CREB5: variants seen among roughly 807,000 people sequenced by gnomAD.
CREB5 encodes the protein cyclic AMP-responsive element-binding protein 5.
A neutral mutation model predicts 57.1 loss-of-function variants in CREB5; 19 were observed. That is an observed-to-expected ratio of 0.33 (90% CI 0.23 to 0.49). The LOEUF (loss-of-function observed/expected upper bound fraction) is 0.49, where lower values mean the gene tolerates loss of function less well. CREB5 is among the 20% of genes least tolerant of loss of function. CREB5 has a pLI of 0.99. For synonymous variants in CREB5, 238 were observed against 238.3 expected (o/e 1.00, Z 0.01); for missense variants, 579 against 671.6 (o/e 0.86, Z 1.52).
chr7:28,441,986 A>G (rs1435464265), intron 1 of CREB5, among the ~76,000 whole-genome samples: 1 of 152,116 alleles, frequency 6.6e-6, no homozygotes, highest in Non-Finnish European at 1.5e-5. Context: ...TTGAAAATGT[A>G]CAATAAATTA....
intron 1 of CREB5, among the ~76,000 whole-genome samples, chr7:28,464,890 CA>C (rs1790501015): frequency 2.0e-5 from 3 of 152,118 alleles, no homozygotes; most frequent in African/African-American, 7.2e-5. Flanking sequence ...GTTAGTGTCA[CA>C]ACAACCCTTT....
intron 5 of CREB5, among the ~76,000 whole-genome samples, chr7:28,643,751 T>C (rs375660917): frequency 1.5e-5 from 2 of 133,530 alleles, no homozygotes; most frequent in Admixed American, 1.5e-4. Flanking sequence ...GTTTGGGAGG[T>C]GGGGGGGGGC....
chr7:28,588,312 G>A (rs1334381373), intron 5 of CREB5, among the ~76,000 whole-genome samples: 3 of 152,174 alleles, frequency 2.0e-5, no homozygotes, highest in African/African-American at 7.2e-5. Flanking sequence ...TACTACATCA[G>A]ATCCCATGTA....
chr7:28,555,428 A>G (rs533468575), intron 4 of CREB5, among the ~76,000 whole-genome samples: 1 of 152,382 alleles, frequency 6.6e-6, no homozygotes, highest in African/African-American at 2.4e-5. Context: ...ATCAATGATT[A>G]TAAACCTTTA....
intron 5 of CREB5, among the ~76,000 whole-genome samples, chr7:28,644,546 T>C (rs1191456366): frequency 6.7e-6 from 1 of 149,256 alleles, no homozygotes; most frequent in Non-Finnish European, 1.5e-5. Context: ...ACAAAGAACA[T>C]TATCTGTGAA....
At chr7:28,445,959 C>A (rs1010559666) in intron 1 of CREB5, among the ~76,000 whole-genome samples, 1 of 152,226 alleles carries the variant, frequency 6.6e-6, no homozygotes, top group Non-Finnish European at 1.5e-5. Flanking sequence ...CAAAACCAAA[C>A]AAACCCAACA....
At chr7:28,459,251 C>T (rs177583) in intron 1 of CREB5, among the ~76,000 whole-genome samples, 68,824 of 152,008 alleles carry the variant, frequency 0.45, 15,902 homozygotes, top group South Asian at 0.54. Context: ...GCACACCCCA[C>T]CTGTCTCAGC....
chr7:28,777,528 T>G (rs1424678895), intron 7 of CREB5, among the ~76,000 whole-genome samples: 1 of 152,132 alleles, frequency 6.6e-6, no homozygotes, highest in Non-Finnish European at 1.5e-5. Context: ...CTACATTCCA[T>G]CAACAAGGTA....
At chr7:28,311,110 C>G (rs146405827) in intron 1 of CREB5, among the ~76,000 whole-genome samples, 6 of 113,802 alleles carry the variant, frequency 5.3e-5, no homozygotes, top group African/African-American at 1.6e-4. Context: ...CTGGCTAGCA[C>G]GGTGAAACCC....
chr7:28,768,524 C>T (rs1806128689), intron 7 of CREB5, among the ~76,000 whole-genome samples: 3 of 152,132 alleles, frequency 2.0e-5, no homozygotes, highest in Admixed American at 1.3e-4. Flanking sequence ...TTCAGGAAAA[C>T]AGATCTTACC....
chr7:28,553,992 T>C (rs1020886385), intron 4 of CREB5, among the ~76,000 whole-genome samples: 5 of 152,230 alleles, frequency 3.3e-5, no homozygotes, highest in African/African-American at 1.2e-4. Context: ...GGATATCTGC[T>C]GAACTTGACC....
intron 1 of CREB5, among the ~76,000 whole-genome samples, chr7:28,481,483 CA>C (rs1791330671): frequency 6.6e-6 from 1 of 152,156 alleles, no homozygotes; most frequent in Non-Finnish European, 1.5e-5. Flanking sequence ...GTGAAATGTT[CA>C]CTTATAAGGT....
chr7:28,800,127 A>T (rs899064157), intron 7 of CREB5, among the ~76,000 whole-genome samples: 1 of 152,220 alleles, frequency 6.6e-6, no homozygotes, highest in African/African-American at 2.4e-5. Flanking sequence ...TACTCAAATT[A>T]TATCGCTACA....
At chr7:28,402,256 GTTCT>G (rs1224193779) in intron 1 of CREB5, among the ~76,000 whole-genome samples, 1 of 152,116 alleles carries the variant, frequency 6.6e-6, no homozygotes, top group African/African-American at 2.4e-5. Flanking sequence ...TTTTGATGGG[GTTCT>G]TTGATTTTTT....
intron 1 of CREB5, among the ~76,000 whole-genome samples, chr7:28,339,686 G>A (rs1318572821): frequency 6.6e-6 from 1 of 152,184 alleles, no homozygotes; most frequent in East Asian, 1.9e-4. Flanking sequence ...ATTAGCAGGT[G>A]GCAAAGCCAG....
chr7:28,317,693 A>G (rs193100670), intron 1 of CREB5, among the ~76,000 whole-genome samples: 7 of 152,344 alleles, frequency 4.6e-5, no homozygotes, highest in Admixed American at 2.6e-4. Flanking sequence ...TAGGTAATCT[A>G]TGTAATTAGC....
intron 5 of CREB5, among the ~76,000 whole-genome samples, chr7:28,626,780 G>A (rs1798010273): frequency 6.6e-6 from 1 of 152,178 alleles, no homozygotes; most frequent in African/African-American, 2.4e-5. Flanking sequence ...GGAAAGGCAT[G>A]GTGAACAAGG....
intron 5 of CREB5, among the ~76,000 whole-genome samples, chr7:28,580,387 G>A (rs1796071397): frequency 6.8e-6 from 1 of 146,088 alleles, no homozygotes; most frequent in South Asian, 2.2e-4. Flanking sequence ...TGTGGGGGGG[G>A]CATGTGGTGT....
chr7:28,571,268 C>T (rs930476883), intron 5 of CREB5, among the ~76,000 whole-genome samples: 9 of 152,214 alleles, frequency 5.9e-5, no homozygotes, highest in African/African-American at 9.6e-5. Flanking sequence ...TTTTGGACCA[C>T]GATTAACTGA....
Sources: allele counts gnomAD v4.1 joint callset (sites outside exome capture counted in the v4.1 genomes callset), GRCh38; gene constraint gnomAD v4.1.1; transcripts MANE v1.5; gene names NCBI Gene and HGNC (gene_info 2026-07-23, HGNC 2026-07-21).